Variants in TMEM132E observed in about 807,000 individuals in gnomAD.
TMEM132E encodes the protein transmembrane protein 132E.
In TMEM132E, 49 loss-of-function variants were observed where a neutral mutation model predicts 78.5. The observed-to-expected ratio is 0.62, with a 90% CI of 0.50 to 0.79. The LOEUF (loss-of-function observed/expected upper bound fraction) is 0.79, where lower values mean the gene tolerates loss of function less well. Ranked by LOEUF, TMEM132E falls within the 30% of genes least tolerant of loss-of-function variation. The pLI, the probability that TMEM132E is intolerant of heterozygous loss-of-function variation, is 0.00. For missense variants in TMEM132E, 1,403 were observed against 1,470.9 expected, an observed-to-expected ratio of 0.95 and a Z score of 0.75; for synonymous variants, 715 against 670.6, an observed-to-expected ratio of 1.07 and a Z score of -1.02.
intron 1 of TMEM132E, among the ~76,000 whole-genome samples, chr17:34,622,101 A>G (rs933491830): frequency 6.6e-6 from 1 of 152,182 alleles, no homozygotes; most frequent in Admixed American, 6.5e-5. Context: ...GCCAGAGTGC[A>G]TGTTAGCACA....
At chr17:34,632,436 A>T (rs1422680317) in intron 5 of TMEM132E, among the ~76,000 whole-genome samples, 1 of 152,262 alleles carries the variant, frequency 6.6e-6, no homozygotes. Context: ...GGTCAGGAAC[A>T]GCCCCTGTAA....
intron 1 of TMEM132E, among the ~76,000 whole-genome samples, chr17:34,613,211 A>ACACGCACGCG: frequency 8.6e-6 from 1 of 115,978 alleles, no homozygotes; most frequent in Non-Finnish European, 1.8e-5. Flanking sequence ...ACACACACAC[A>ACACGCACGCG]CGCGCGCGCG....
chr17:34,586,464 G>A (rs1215033212), intron 1 of TMEM132E, among the ~76,000 whole-genome samples: 2 of 151,948 alleles, frequency 1.3e-5, no homozygotes, highest in Admixed American at 1.3e-4. Flanking sequence ...GCTAGCTACT[G>A]CACGGGTCTC....
At chr17:34,588,733 T>G (rs1237012178) in intron 1 of TMEM132E, among the ~76,000 whole-genome samples, 1 of 151,940 alleles carries the variant, frequency 6.6e-6, no homozygotes, top group African/African-American at 2.4e-5. Flanking sequence ...CAACGAGTGG[T>G]TTTTGTTGTT....
chr17:34,599,271 A>G (rs964645605), intron 1 of TMEM132E, among the ~76,000 whole-genome samples: 2 of 152,242 alleles, frequency 1.3e-5, no homozygotes, highest in Non-Finnish European at 2.9e-5. Context: ...ATTAGGATGC[A>G]TTCTAGAAAC....
intron 1 of TMEM132E, among the ~76,000 whole-genome samples, chr17:34,618,709 C>T (rs1435049344): frequency 6.6e-6 from 1 of 152,128 alleles, no homozygotes. Flanking sequence ...GTTCTTTAGC[C>T]CCTTGCTAAC....
chr17:34,614,222 G>C (rs1271139714), intron 1 of TMEM132E, among the ~76,000 whole-genome samples: 1 of 152,080 alleles, frequency 6.6e-6, no homozygotes, highest in Non-Finnish European at 1.5e-5. Flanking sequence ...GTGTCTTTTT[G>C]TCTCTAGCTG....
intron 5 of TMEM132E, among the ~76,000 whole-genome samples, chr17:34,630,387 T>G (rs770103353): frequency 6.6e-6 from 1 of 152,158 alleles, no homozygotes; most frequent in Non-Finnish European, 1.5e-5. Flanking sequence ...GATTCTCAAG[T>G]GTACTGACTC....
intron 1 of TMEM132E, among the ~76,000 whole-genome samples, chr17:34,611,796 T>C (rs950480820): frequency 5.9e-5 from 9 of 152,164 alleles, no homozygotes; most frequent in Non-Finnish European, 1.2e-4. Flanking sequence ...GAATTCACGG[T>C]GATGATTCCA....
chr17:34,628,651 A>T lies in TMEM132E; in HGVS notation c.1087A>T (p.Lys363Ter). Residue 363 changes from lysine to a stop codon, truncating the protein, a stop_gained, in exon 3 of 9, where the codon AAG (lysine) becomes TAG (stop). Transcript: ENST00000631683. LOFTEE classifies it high-confidence loss of function. ...HVTSELLTGA[K>*]HSTATVDVAW... Reference sequence around the variant, plus strand: ...GACCTCGGAGCTGCTGACTGGGGCAAAGCACTCAACAGCCACCGTGGATGT... The same window carrying T: ...GACCTCGGAGCTGCTGACTGGGGCATAGCACTCAACAGCCACCGTGGATGT... The T allele has an allele frequency of 6.2e-7, 1 of 1,613,514 alleles. No homozygotes were observed. Among genetic ancestry groups the T allele is most frequent in the Non-Finnish European group, 8.5e-7 (1 of 1,179,774 alleles).
At chr17:34,619,958 G>A (rs576827516) in intron 1 of TMEM132E, among the ~76,000 whole-genome samples, 25 of 152,378 alleles carry the variant, frequency 1.6e-4, no homozygotes, top group African/African-American at 6.0e-4. Flanking sequence ...CACACCTGCT[G>A]TGCCTCTGAA....
intron 1 of TMEM132E, among the ~76,000 whole-genome samples, chr17:34,619,847 C>T (rs749496350): frequency 2.6e-5 from 4 of 152,222 alleles, no homozygotes; most frequent in Non-Finnish European, 4.4e-5. Context: ...TAACAGATCC[C>T]TAAACACTGA....
intron 1 of TMEM132E, among the ~76,000 whole-genome samples, chr17:34,592,076 C>T (rs1489845383): frequency 1.1e-4 from 16 of 152,228 alleles, no homozygotes; most frequent in Non-Finnish European, 1.2e-4. Context: ...AAAGACTTCC[C>T]GGAGAGCTGT....
At chr17:34,606,503 A>G (rs530121336) in intron 1 of TMEM132E, among the ~76,000 whole-genome samples, 4 of 152,304 alleles carry the variant, frequency 2.6e-5, no homozygotes, top group South Asian at 4.1e-4. Context: ...CCAAACCACA[A>G]AGCAAGAGCT....
In TMEM132E at chr17:34,626,164, G is replaced by C; in HGVS notation, c.105G>C (p.Pro35=). 1.3e-6 allele frequency: 2 copies of C among 1,551,416 alleles called. No homozygotes were observed. Among genetic ancestry groups the C allele is most frequent in the East Asian group, 4.7e-5 (2 of 42,254 alleles). The part of the protein sequence containing the change: ...GRSHPASPSP[P]GPQASPVLPV... Reference sequence around the variant, plus strand: ...CCCACCCGGCCAGCCCCAGCCCGCCGGGGCCGCAGGCCAGCCCGGTGCTGC... The same window carrying C: ...CCCACCCGGCCAGCCCCAGCCCGCCCGGGCCGCAGGCCAGCCCGGTGCTGC... Residue 35 remains proline, a synonymous_variant, in exon 2 of 9, where the codon CCG becomes CCC. Transcript: ENST00000631683.
In TMEM132E at chr17:34,626,154, C is replaced by A. The variant is rs868256899; in HGVS notation, c.95C>A (p.Pro32His). 1 of 1,545,960 alleles carries A rather than the reference C, an allele frequency of 6.5e-7. No homozygotes were observed. Among genetic ancestry groups the A allele is most frequent in the Non-Finnish European group, 8.7e-7 (1 of 1,148,306 alleles). The change falls in exon 2 of 9, where the codon CCC (proline) becomes CAC (histidine). Residue 32 changes from proline (P) to histidine (H), a missense_variant. By Grantham distance (77) the Pro-to-His change is moderately conservative (BLOSUM62 -2). Transcript: ENST00000631683. ...HASGRSHPAS[P>H]SPPGPQASPV... is the part of the protein sequence containing the mutation. ...TCTGGCCGCTCCCACCCGGCCAGCC[C>A]CAGCCCGCCGGGGCCGCAGGCCAGC...
rs1196738409 is a variant in TMEM132E at position 34,635,106 on chromosome 17, C to G, written c.1977+19C>G. 8.2e-6 allele frequency: 13 copies of G among 1,591,386 alleles called. No homozygotes were observed. The highest frequency in any genetic ancestry group is 3.4e-6 in the Non-Finnish European group (4 of 1,167,070). ...CTTTAAGGTAGGTATGGGCTCTGTC[C>G]CAGCACAAAGGGGCAGTGTCGGGAG... On this transcript the variant is annotated intron_variant, in intron 7 of 8. Coordinates refer to ENST00000631683, the MANE Select transcript of TMEM132E (RefSeq NM_001304438.2).
At chr17:34,601,853 C>T (rs1567713448) in intron 1 of TMEM132E, among the ~76,000 whole-genome samples, 2 of 152,192 alleles carry the variant, frequency 1.3e-5, no homozygotes, top group Non-Finnish European at 2.9e-5. Flanking sequence ...TGCCCGAGGG[C>T]CTCCACAGCT....
chr17:34,627,122 GTGGGTGGGT>G, intron 2 of TMEM132E, 65 bp downstream of exon 2: 1 of 1,489,454 alleles, frequency 6.7e-7, no homozygotes, highest in Non-Finnish European at 9.3e-7. Context: ...CTGACTCCTT[GTGGGTGGGT>G]TGGGGGGTGG....
Sources: gnomAD v4.1 joint callset for allele counts (sites outside exome capture counted in the v4.1 genomes callset) on GRCh38, gnomAD v4.1.1 for gene constraint, MANE v1.5 for transcripts, NCBI Gene and HGNC (gene_info 2026-07-23, HGNC 2026-07-21) for gene names.